The following ZC3H12B variants were observed in gnomAD, a reference collection of about 807,000 sequenced individuals.
The protein encoded by ZC3H12B is zinc finger CCCH-type containing 12B, also known as probable ribonuclease ZC3H12B.
A neutral mutation model predicts 43.9 loss-of-function variants in ZC3H12B; 7 were observed. That is an observed-to-expected ratio of 0.16 (90% CI 0.09 to 0.30). ZC3H12B has a LOEUF of 0.30. ZC3H12B is among the 10% of genes least tolerant of loss of function. ZC3H12B has a pLI of 1.00. For missense variants in ZC3H12B, 475 were observed against 670.2 expected (o/e 0.71, Z 3.22); for synonymous variants, 222 against 241.7 (o/e 0.92, Z 0.76).
chrX:65,260,762 G>A, the ZC3H12B span, among the ~76,000 whole-genome samples: 2 of 111,668 alleles, frequency 1.8e-5, no homozygotes, highest in African/African-American at 6.5e-5. Context: ...TTTACATGGA[G>A]GTTAGTATAA....
At chrX:65,124,935 G>C in the ZC3H12B span, among the ~76,000 whole-genome samples, 2 of 110,511 alleles carry the variant, frequency 1.8e-5, no homozygotes, top group African/African-American at 6.6e-5. Context: ...CAAAGAACCA[G>C]CTTTTTGTTT....
the ZC3H12B span, among the ~76,000 whole-genome samples, chrX:65,171,777 A>T: frequency 9.0e-6 from 1 of 110,915 alleles, no homozygotes; most frequent in Non-Finnish European, 1.9e-5. Flanking sequence ...TCCACCTTTC[A>T]GTTCGATCTC....
chrX:65,368,175 TC>T (rs2066197948), intron 1 of ZC3H12B, among the ~76,000 whole-genome samples: 1 of 112,254 alleles, frequency 8.9e-6, no homozygotes, highest in African/African-American at 3.2e-5. Context: ...GGATGGCTAT[TC>T]TTATTCAAGT....
intron 3 of ZC3H12B, among the ~76,000 whole-genome samples, chrX:65,456,924 C>T (rs1376140720): frequency 1.9e-5 from 2 of 104,978 alleles, no homozygotes; most frequent in East Asian, 6.3e-4. Flanking sequence ...TATGAGGAGC[C>T]CCTCTGCCTG....
At chrX:65,200,435 T>C in the ZC3H12B span, among the ~76,000 whole-genome samples, 1 of 95,194 alleles carries the variant, frequency 1.1e-5, no homozygotes, top group South Asian at 5.2e-4. Context: ...TCTTTTTTTT[T>C]TTTTTTTTTT....
At chrX:65,127,216 C>A in the ZC3H12B span, among the ~76,000 whole-genome samples, 15,934 of 111,309 alleles carry the variant, frequency 0.14, 2,747 homozygotes, top group African/African-American at 0.49. Flanking sequence ...TGTTCTCCCC[C>A]TTCCCCTAGG....
the ZC3H12B span, among the ~76,000 whole-genome samples, chrX:65,320,803 G>A: frequency 8.9e-6 from 1 of 111,945 alleles, no homozygotes; most frequent in Admixed American, 9.5e-5. Context: ...GGGGAAGGGA[G>A]TTTCTTTTCA....
At chrX:65,353,474 G>A in the ZC3H12B span, among the ~76,000 whole-genome samples, 78 of 112,081 alleles carry the variant, frequency 7.0e-4, no homozygotes, top group Middle Eastern at 0.014. Context: ...AATGAGGAAG[G>A]CATGTTGACA....
At chrX:65,252,380 T>G in the ZC3H12B span, among the ~76,000 whole-genome samples, 89 of 111,990 alleles carry the variant, frequency 7.9e-4, no homozygotes, top group African/African-American at 2.9e-3. Flanking sequence ...TCATCAGGGA[T>G]ATTGTTCTAA....
the ZC3H12B span, among the ~76,000 whole-genome samples, chrX:65,349,783 C>A: frequency 5.4e-5 from 6 of 111,708 alleles, no homozygotes; most frequent in South Asian, 3.7e-4. Context: ...TAGACACACA[C>A]CCTCCCAAGT....
chrX:65,215,660 G>T, the ZC3H12B span, among the ~76,000 whole-genome samples: 15 of 111,149 alleles, frequency 1.3e-4, no homozygotes, highest in African/African-American at 3.9e-4. Context: ...TTTATCATCT[G>T]CATGTTCACT....
the ZC3H12B span, among the ~76,000 whole-genome samples, chrX:65,193,431 G>A: frequency 1.8e-5 from 2 of 111,411 alleles, no homozygotes; most frequent in Non-Finnish European, 3.8e-5. Context: ...GCACATAGTT[G>A]CTCATTGTAG....
At chrX:65,422,585 G>T (rs375817437) in intron 3 of ZC3H12B, among the ~76,000 whole-genome samples, 2 of 109,419 alleles carry the variant, frequency 1.8e-5, no homozygotes, top group Non-Finnish European at 3.8e-5. Flanking sequence ...TGTGCAGAAC[G>T]TGCAGGTTTG....
the ZC3H12B span, among the ~76,000 whole-genome samples, chrX:65,313,213 G>C: frequency 4.2e-4 from 47 of 111,635 alleles, no homozygotes; most frequent in East Asian, 0.012. Flanking sequence ...AATTTTGAGG[G>C]GGGCACAAAC....
chrX:65,194,249 TG>T, the ZC3H12B span, among the ~76,000 whole-genome samples: 4 of 46,947 alleles, frequency 8.5e-5, no homozygotes, highest in East Asian at 2.7e-3. Flanking sequence ...TTCTTTGGGG[TG>T]GGGGGAGGGG....
At chrX:65,454,369 G>A (rs2067571978) in intron 3 of ZC3H12B, among the ~76,000 whole-genome samples, 1 of 112,369 alleles carries the variant, frequency 8.9e-6, no homozygotes, top group Non-Finnish European at 1.9e-5. Context: ...CACCCACAGA[G>A]CCTCGCTCAT....
the ZC3H12B span, among the ~76,000 whole-genome samples, chrX:65,116,994 A>G: frequency 8.9e-6 from 1 of 111,781 alleles, no homozygotes. Context: ...AGTCTTTGCT[A>G]TTGTGAATAG....
the ZC3H12B span, among the ~76,000 whole-genome samples, chrX:65,160,566 T>A: frequency 8.9e-6 from 1 of 111,955 alleles, no homozygotes; most frequent in East Asian, 2.8e-4. Flanking sequence ...TTTGTAGTAT[T>A]CTCTGATGGT....
chrX:65,386,490 A>G (rs1310106582), intron 2 of ZC3H12B, among the ~76,000 whole-genome samples: 1 of 111,229 alleles, frequency 9.0e-6, no homozygotes, highest in Non-Finnish European at 1.9e-5. Context: ...ATCAGTGGTG[A>G]TATCCCCTTT....
Sources: allele counts gnomAD v4.1 joint callset (sites outside exome capture counted in the v4.1 genomes callset), GRCh38; gene constraint gnomAD v4.1.1; transcripts MANE v1.5; gene names NCBI Gene and HGNC (gene_info 2026-07-23, HGNC 2026-07-21).